The following TSPAN5 variants were observed in gnomAD, a reference collection of about 807,000 sequenced individuals.
TSPAN5 encodes tetraspanin-5.
Under a neutral mutation model 37.1 loss-of-function variants are expected in TSPAN5, and 10 were observed. The observed-to-expected ratio is 0.27, with a 90% CI of 0.17 to 0.46. TSPAN5 has a LOEUF of 0.46. Among genes scored for constraint, TSPAN5 ranks in the 20% least tolerant of loss-of-function variants. The probability of loss-of-function intolerance (pLI) is 1.00; values close to 1 mark genes in which losing one functional copy is unlikely to be tolerated. For synonymous variants in TSPAN5, 110 were observed against 118.9 expected (o/e 0.93, Z 0.48); for missense variants, 195 against 326.6 (o/e 0.60, Z 3.11).
At position 98,483,627 on chromosome 4, in the gene TSPAN5, T is replaced by G. The variant is rs542653457; in HGVS notation, c.280-1452A>C. 790 of 152,284 alleles carry G rather than the reference T, an allele frequency of 5.2e-3. 4 individuals are homozygous for G. The highest frequency in any genetic ancestry group is 8.7e-3 in the Non-Finnish European group (594 of 68,072). 9.4% of individuals were successfully genotyped at this position (152,284 alleles called of 1,614,324 possible). On this transcript the variant is annotated intron_variant, in intron 3 of 7. Transcript: ENST00000305798. ...GGTGCCAAGTACTGCTCTGTGAGGG[T>G]GGGCACGGGAGGAGGAGTGGAAGGT...
intron 1 of TSPAN5, among the ~76,000 whole-genome samples, chr4:98,592,262 G>T (rs1242524383): frequency 6.7e-6 from 1 of 149,316 alleles, no homozygotes; most frequent in Non-Finnish European, 1.5e-5. Flanking sequence ...CTGAGGCTGT[G>T]CTCTAGGCCC....
chr4:98,543,954 G>T (rs1754415321), intron 1 of TSPAN5, among the ~76,000 whole-genome samples: 1 of 152,068 alleles, frequency 6.6e-6, no homozygotes, highest in Non-Finnish European at 1.5e-5. Context: ...GAGGCAGGAG[G>T]ATTGTCTGGG....
intron 1 of TSPAN5, among the ~76,000 whole-genome samples, chr4:98,625,787 A>C (rs1756585662): frequency 6.6e-6 from 1 of 152,234 alleles, no homozygotes. Flanking sequence ...TAAAAGCAAG[A>C]AAATAGTATG....
intron 1 of TSPAN5, among the ~76,000 whole-genome samples, chr4:98,647,043 G>C (rs1757084599): frequency 6.6e-6 from 1 of 152,180 alleles, no homozygotes; most frequent in Admixed American, 6.5e-5. Context: ...TGGGAACATA[G>C]CTGGGTAAAA....
intron 1 of TSPAN5, among the ~76,000 whole-genome samples, chr4:98,616,748 C>T (rs193291600): frequency 6.6e-6 from 1 of 152,094 alleles, no homozygotes; most frequent in South Asian, 2.1e-4. Flanking sequence ...ATTGTTCCAA[C>T]AACAAATGGG....
chr4:98,556,707 A>T (rs1183872400), intron 1 of TSPAN5, among the ~76,000 whole-genome samples: 1 of 152,220 alleles, frequency 6.6e-6, no homozygotes, highest in African/African-American at 2.4e-5. Context: ...GACAGGAGAA[A>T]AACATGAAAC....
intron 1 of TSPAN5, among the ~76,000 whole-genome samples, chr4:98,575,159 A>T (rs938100158): frequency 2.0e-5 from 3 of 152,214 alleles, no homozygotes; most frequent in Non-Finnish European, 4.4e-5. Flanking sequence ...TTAAAAATAA[A>T]GTACAAACTC....
chr4:98,608,777 C>T (rs1341719280), intron 1 of TSPAN5, among the ~76,000 whole-genome samples: 3 of 152,220 alleles, frequency 2.0e-5, no homozygotes, highest in African/African-American at 4.8e-5. Flanking sequence ...TCATCAGTCT[C>T]TCTCCTCGAC....
In TSPAN5 at chr4:98,658,250, GC is replaced by G; in HGVS notation, c.-25del. 12 of 1,599,444 alleles carry G rather than the reference GC, an allele frequency of 7.5e-6. No homozygotes were observed. Among genetic ancestry groups the G allele is most frequent in the Non-Finnish European group, 1.0e-5 (12 of 1,166,732 alleles). The stretch of plus-strand genomic sequence containing the variant: ...ATCCTCTGGGTTCATGAAGACACTT[GC>G]CCCGGCAGCCCGAGTTTGGAGCTCC... On this transcript the variant is annotated 5_prime_UTR_variant, in exon 1 of 8. Coordinates refer to ENST00000305798, the MANE Select transcript of TSPAN5 (RefSeq NM_005723.4).
intron 1 of TSPAN5, among the ~76,000 whole-genome samples, chr4:98,633,518 G>A (rs910119015): frequency 4.6e-5 from 7 of 152,166 alleles, no homozygotes; most frequent in Admixed American, 1.3e-4. Flanking sequence ...TTCAGGATTC[G>A]AAATCTCTAA....
At chr4:98,583,886 C>T (rs1369372026) in intron 1 of TSPAN5, among the ~76,000 whole-genome samples, 1 of 152,196 alleles carries the variant, frequency 6.6e-6, no homozygotes, top group Admixed American at 6.5e-5. Flanking sequence ...TCCCATCTGA[C>T]ATCCACTACA....
intron 1 of TSPAN5, among the ~76,000 whole-genome samples, chr4:98,628,550 A>T (rs1280369046): frequency 6.6e-6 from 1 of 152,190 alleles, no homozygotes; most frequent in Non-Finnish European, 1.5e-5. Context: ...CTCCTGGAAA[A>T]TGGTTAGATC....
At chr4:98,560,030 C>T (rs1306657498) in intron 1 of TSPAN5, 1 of 152,200 alleles carries the variant, frequency 6.6e-6, no homozygotes, top group Non-Finnish European at 1.5e-5. Flanking sequence ...TCCACAACAT[C>T]TTAAAGTGGA....
chr4:98,615,868 G>A (rs1042310784), intron 1 of TSPAN5, among the ~76,000 whole-genome samples: 5 of 152,184 alleles, frequency 3.3e-5, no homozygotes, highest in Admixed American at 6.5e-5. Flanking sequence ...GGAATTAAAG[G>A]AGAAATGGCC....
intron 1 of TSPAN5, among the ~76,000 whole-genome samples, chr4:98,555,977 G>GCA (rs991327010): frequency 1.5e-5 from 2 of 134,940 alleles, no homozygotes; most frequent in Non-Finnish European, 1.5e-5. Flanking sequence ...ACACGCGCGC[G>GCA]CACACACACG....
intron 1 of TSPAN5, among the ~76,000 whole-genome samples, chr4:98,632,996 A>C (rs1756781184): frequency 6.6e-6 from 1 of 152,162 alleles, no homozygotes; most frequent in African/African-American, 2.4e-5. Flanking sequence ...AGGCAGGAAC[A>C]CGGAAGGCAG....
intron 1 of TSPAN5, among the ~76,000 whole-genome samples, chr4:98,531,885 C>A (rs1754100661): frequency 6.6e-6 from 1 of 152,082 alleles, no homozygotes; most frequent in African/African-American, 2.4e-5. Flanking sequence ...TGTTCATATC[C>A]TTTGCCCACG....
intron 1 of TSPAN5, among the ~76,000 whole-genome samples, chr4:98,575,726 T>C (rs1755218561): frequency 6.6e-6 from 1 of 150,774 alleles, no homozygotes. Context: ...ATATCCTGAA[T>C]ATTGTATTCA....
intron 1 of TSPAN5, among the ~76,000 whole-genome samples, chr4:98,631,473 G>A (rs577525363): frequency 2.6e-5 from 4 of 152,110 alleles, no homozygotes; most frequent in Non-Finnish European, 2.9e-5. Flanking sequence ...CATAGCACTC[G>A]ATCTTTTTTT....
Sources: gnomAD v4.1 joint callset for allele counts (sites outside exome capture counted in the v4.1 genomes callset) on GRCh38, gnomAD v4.1.1 for gene constraint, MANE v1.5 for transcripts, NCBI Gene and HGNC (gene_info 2026-07-23, HGNC 2026-07-21) for gene names.